The following AGO3 variants were observed in gnomAD, a reference collection of about 807,000 sequenced individuals.
AGO3 encodes the protein argonaute RISC catalytic component 3.
AGO3 carries 16 observed loss-of-function variants against 105.5 expected under a neutral mutation model. The ratio of observed to expected loss-of-function variants is 0.15; its 90% CI spans 0.10 to 0.23. AGO3 has a LOEUF of 0.23. AGO3 is among the 10% of genes least tolerant of loss of function. AGO3 has a pLI of 1.00. For missense variants in AGO3, 534 were observed against 1,088.0 expected (o/e 0.49, Z 7.16); for synonymous variants, 340 against 367.3 (o/e 0.93, Z 0.85).
chr1:36,030,504 CAAAA>C (rs547766292), intron 12 of AGO3, among the ~76,000 whole-genome samples: 2 of 70,422 alleles, frequency 2.8e-5, no homozygotes, highest in African/African-American at 5.2e-5. Flanking sequence ...GACCCTTTCT[CAAAA>C]AAAAAAAAAA....
chr1:35,945,668 T>G (rs778149832), intron 1 of AGO3, 24 bp from the exon 2 acceptor site: 134 of 1,605,788 alleles, frequency 8.3e-5, no homozygotes, highest in Non-Finnish European at 1.1e-4. Flanking sequence ...CTGTGACTCT[T>G]TTTTTTTCCC....
chr1:35,962,837 G>A (rs921082989), intron 2 of AGO3, among the ~76,000 whole-genome samples: 1 of 152,130 alleles, frequency 6.6e-6, no homozygotes, highest in Non-Finnish European at 1.5e-5. Flanking sequence ...TTTTGACTTT[G>A]TATTAGGAAA....
chr1:35,931,599 C>T (rs538102449), intron 1 of AGO3, among the ~76,000 whole-genome samples, 154 bp downstream of exon 1: 17 of 152,382 alleles, frequency 1.1e-4, no homozygotes, highest in African/African-American at 4.1e-4. Flanking sequence ...CGCGACCTCC[C>T]CGCAGCCCAG....
intron 17 of AGO3, among the ~76,000 whole-genome samples, chr1:36,051,785 C>T (rs1642726187): frequency 1.3e-5 from 2 of 151,944 alleles, no homozygotes; most frequent in African/African-American, 4.8e-5. Context: ...TTAAAATAGG[C>T]AAATGTCTCA....
chr1:35,974,474 C>T (rs1646921859), intron 5 of AGO3, among the ~76,000 whole-genome samples: 1 of 152,112 alleles, frequency 6.6e-6, no homozygotes. Flanking sequence ...GTTCCTCTAT[C>T]CCCTGTTTTT....
At position 35,931,122 on chromosome 1, in the gene AGO3, C is replaced by T. The variant is rs1313564933; in HGVS notation, c.-305C>T. ...CCCCGGGCAGGTCGGCGGCGGCGGC[C>T]CGCAGTCGTGGAGGAGCGGTGGGAG... On this transcript the variant is annotated 5_prime_UTR_variant, in exon 1 of 19. Coordinates refer to ENST00000373191, the MANE Select transcript of AGO3 (RefSeq NM_024852.4). The T allele has an allele frequency of 2.5e-6, 1 of 396,294 alleles. No individual in the cohort carries two copies. The highest frequency in any genetic ancestry group is 2.1e-5 in the African/African-American group (1 of 48,454). The allele number at this position is 396,294 out of a possible 1,614,324, so 24.5% of individuals were successfully genotyped here.
At chr1:36,047,231 G>A (rs757118492) in intron 17 of AGO3, among the ~76,000 whole-genome samples, 56 of 151,680 alleles carry the variant, frequency 3.7e-4, no homozygotes, top group African/African-American at 1.2e-3. Context: ...CAACAAGAGC[G>A]AAACTCTGCC....
chr1:36,050,427 A>G (rs1005161564), intron 17 of AGO3, among the ~76,000 whole-genome samples: 12 of 152,110 alleles, frequency 7.9e-5, no homozygotes, highest in African/African-American at 2.9e-4. Flanking sequence ...TGGAGGTTGC[A>G]GTAAACCAAG....
intron 13 of AGO3, among the ~76,000 whole-genome samples, chr1:36,035,424 T>C (rs1641959627): frequency 6.6e-6 from 1 of 151,992 alleles, no homozygotes; most frequent in Non-Finnish European, 1.5e-5. Context: ...TAACATAAAG[T>C]AAAATAAAAG....
At chr1:35,950,598 T>A (rs1646453359) in intron 2 of AGO3, among the ~76,000 whole-genome samples, 1 of 152,234 alleles carries the variant, frequency 6.6e-6, no homozygotes, top group Admixed American at 6.5e-5. Context: ...TTTCCCCCTA[T>A]TAAATGATTT....
intron 5 of AGO3, among the ~76,000 whole-genome samples, chr1:35,991,078 C>T (rs895742613): frequency 6.6e-6 from 1 of 152,070 alleles, no homozygotes; most frequent in African/African-American, 2.4e-5. Flanking sequence ...CCGAGGTGGG[C>T]GGATTGCCTG....
At position 36,065,481 on chromosome 1, in the gene AGO3, G is replaced by C. The variant is rs553459623; in HGVS notation, c.*9736G>C. ...AAATTAGCTGGGTGTGGTGGCACAC[G>C]CCTGTAGTCCCAGCTACTTGGGAGG... On this transcript the variant is annotated 3_prime_UTR_variant, in exon 19 of 19. Coordinates refer to ENST00000373191, the MANE Select transcript of AGO3 (RefSeq NM_024852.4). The C allele has an allele frequency of 1.3e-5, 2 of 152,174 alleles. No homozygotes were observed. Among genetic ancestry groups the C allele is most frequent in the African/African-American group, 4.8e-5 (2 of 41,388 alleles). The allele number at this position is 152,174 out of a possible 1,614,324, so 9.4% of individuals were successfully genotyped here.
intron 5 of AGO3, among the ~76,000 whole-genome samples, chr1:35,992,479 C>T (rs1225184871): frequency 6.6e-5 from 10 of 152,108 alleles, no homozygotes; most frequent in Non-Finnish European, 1.5e-5. Context: ...TGATATATCC[C>T]CTGTTCTGTT....
At chr1:36,001,746 T>G (rs1640095449) in intron 5 of AGO3, among the ~76,000 whole-genome samples, 1 of 152,224 alleles carries the variant, frequency 6.6e-6, no homozygotes, top group African/African-American at 2.4e-5. Context: ...GTTTTTTTAA[T>G]CACCTTTCTG....
intron 14 of AGO3, among the ~76,000 whole-genome samples, 192 bp downstream of exon 14, chr1:36,036,459 A>G (rs1394277427): frequency 6.6e-6 from 1 of 152,202 alleles, no homozygotes; most frequent in Non-Finnish European, 1.5e-5. Context: ...CAAGTTTGCT[A>G]GTTATATTAT....
chr1:35,974,393 A>G (rs140327907), intron 5 of AGO3, among the ~76,000 whole-genome samples: 3 of 152,116 alleles, frequency 2.0e-5, no homozygotes, highest in African/African-American at 7.2e-5. Context: ...TTTTACAAAA[A>G]CTGGGTCACT....
intron 11 of AGO3, among the ~76,000 whole-genome samples, chr1:36,026,085 C>T (rs1014789711): frequency 6.6e-6 from 1 of 151,592 alleles, no homozygotes; most frequent in Non-Finnish European, 1.5e-5. Context: ...CAGTGTAAAT[C>T]AAAGTACATT....
Position 36,056,595 on chromosome 1 carries a change from C to T in AGO3, c.*850C>T, listed in dbSNP as rs1044984387. On this transcript the variant is annotated 3_prime_UTR_variant, in exon 19 of 19. Coordinates refer to ENST00000373191, the MANE Select transcript of AGO3 (RefSeq NM_024852.4). ...ATATGTATACATACATACACAGACACAGACACACACATATATATACATAAA... is the reference window on the plus strand; with the variant it reads ...ATATGTATACATACATACACAGACATAGACACACACATATATATACATAAA... 1.7e-4 allele frequency: 26 copies of T among 152,116 alleles called. No individual in the cohort carries two copies. Among genetic ancestry groups the T allele is most frequent in the Non-Finnish European group, 3.5e-4 (24 of 68,036 alleles). The allele number at this position is 152,116 out of a possible 1,614,324, so 9.4% of individuals were successfully genotyped here. A position where few individuals can be genotyped will look rare whatever the true frequency, so the allele number is the denominator to read the frequency against.
intron 9 of AGO3, among the ~76,000 whole-genome samples, chr1:36,012,207 A>G (rs1429623389): frequency 6.6e-6 from 1 of 151,594 alleles, no homozygotes; most frequent in Non-Finnish European, 1.5e-5. Flanking sequence ...TGTGGCATGC[A>G]CCTATAGTCC....
Sources: allele counts gnomAD v4.1 joint callset (sites outside exome capture counted in the v4.1 genomes callset), GRCh38; gene constraint gnomAD v4.1.1; transcripts MANE v1.5; gene names NCBI Gene and HGNC (gene_info 2026-07-23, HGNC 2026-07-21).